PTPRQ: variants seen among roughly 807,000 people sequenced by gnomAD.
PTPRQ encodes protein tyrosine phosphatase receptor type Q.
In PTPRQ, 199 loss-of-function variants were observed where a neutral mutation model predicts 246.0. The observed-to-expected ratio is 0.81, with a 90% CI of 0.72 to 0.91. The LOEUF is 0.91. PTPRQ is among the 40% of genes least tolerant of loss of function. PTPRQ has a pLI of 0.00. For missense variants in PTPRQ, 2,624 were observed against 2,528.4 expected (o/e 1.04, Z -0.81); for synonymous variants, 869 against 853.2 (o/e 1.02, Z -0.32).
At chr12:80,579,485 G>A (rs1897370942) in intron 25 of PTPRQ, among the ~76,000 whole-genome samples, 1 of 152,002 alleles carries the variant, frequency 6.6e-6, no homozygotes, top group Non-Finnish European at 1.5e-5. Context: ...CTTCAAATTA[G>A]AGCTCCCAGA....
chr12:80,522,850 T>G (rs1895547945), intron 17 of PTPRQ, among the ~76,000 whole-genome samples: 1 of 152,190 alleles, frequency 6.6e-6, no homozygotes, highest in African/African-American at 2.4e-5. Flanking sequence ...TCTGCCAGGC[T>G]TTGGTATCAG....
Position 80,678,741 on chromosome 12 carries a change from A to G in PTPRQ, c.6862+16A>G. ...GCCATGGAAGGTAAACAGAAACAAC[A>G]GTATATGCCCAGCTTACTAGTTTAC... On this transcript the variant is annotated intron_variant, in intron 44 of 44. Coordinates refer to ENST00000644991, the MANE Select transcript of PTPRQ (RefSeq NM_001145026.2). 1 of 1,545,492 alleles carries G rather than the reference A, an allele frequency of 6.5e-7. No homozygotes were observed. The highest frequency in any genetic ancestry group is 1.7e-4 in the Middle Eastern group (1 of 5,948).
At chr12:80,591,952 G>A (rs991968118) in intron 26 of PTPRQ, among the ~76,000 whole-genome samples, 37 of 152,262 alleles carry the variant, frequency 2.4e-4, no homozygotes, top group African/African-American at 8.7e-4. Flanking sequence ...TGTTTAATTA[G>A]CATAAAACAA....
intron 39 of PTPRQ, among the ~76,000 whole-genome samples, chr12:80,661,236 T>C (rs969054415): frequency 6.7e-6 from 1 of 149,996 alleles, no homozygotes. Flanking sequence ...TAAACACATA[T>C]ATGTGTGTAT....
intron 33 of PTPRQ, among the ~76,000 whole-genome samples, chr12:80,625,055 A>G (rs1186138647): frequency 6.6e-6 from 1 of 152,194 alleles, no homozygotes; most frequent in Admixed American, 6.5e-5. Context: ...GAACATTGCC[A>G]GGGAAGAAAC....
intron 32 of PTPRQ, 65 bp from the exon 33 acceptor site, chr12:80,621,996 T>C (rs909725085): frequency 1.5e-5 from 16 of 1,087,886 alleles, no homozygotes; most frequent in Non-Finnish European, 1.5e-5. Flanking sequence ...AATTACTTCT[T>C]GAGTTATTCA....
At chr12:80,478,100 G>C (rs1441978258) in intron 8 of PTPRQ, among the ~76,000 whole-genome samples, 1 of 151,962 alleles carries the variant, frequency 6.6e-6, no homozygotes, top group Non-Finnish European at 1.5e-5. Context: ...CAAAAAGACA[G>C]CAGTAACCTC....
Position 80,673,085 on chromosome 12 carries a change from G to T in PTPRQ, c.6603-84G>T, listed in dbSNP as rs1419771102. ...AGAGAAGAAACTATTAGAATTTATT[G>T]CTATCATAGCTCATTATCTTTATCC... On this transcript the variant is annotated intron_variant, in intron 42 of 44. Coordinates refer to ENST00000644991, the MANE Select transcript of PTPRQ (RefSeq NM_001145026.2). The T allele has an allele frequency of 3.0e-5, 45 of 1,476,486 alleles. No individual in the cohort carries two copies. The Admixed American group carries it at 9.8e-4, about 32-fold the overall frequency. 91.5% of individuals were successfully genotyped at this position (1,476,486 alleles called of 1,614,324 possible). A position where few individuals can be genotyped will look rare whatever the true frequency, so the allele number is the denominator to read the frequency against.
chr12:80,566,240 G>A (rs1378066717), intron 25 of PTPRQ, among the ~76,000 whole-genome samples: 1 of 152,166 alleles, frequency 6.6e-6, no homozygotes, highest in East Asian at 1.9e-4. Flanking sequence ...CACTTTGGGA[G>A]GCCGAGGCAG....
At chr12:80,525,614 A>G (rs1214698995) in intron 17 of PTPRQ, among the ~76,000 whole-genome samples, 2 of 151,896 alleles carry the variant, frequency 1.3e-5, no homozygotes, top group Non-Finnish European at 1.5e-5. Context: ...ATAAAATTTT[A>G]AAATTCTGTG....
chr12:80,626,042 T>C (rs569213999), intron 33 of PTPRQ, among the ~76,000 whole-genome samples: 2 of 152,330 alleles, frequency 1.3e-5, no homozygotes, highest in Non-Finnish European at 2.9e-5. Flanking sequence ...AAAGGCACTC[T>C]GTGATTGTTT....
Position 80,619,547 on chromosome 12 carries a change from C to T in PTPRQ, c.5389+5C>T. ...TGCTTGTGACAGAAACAGGAGGTATCATCACATGTCAATTTATCTTGTTAA... is the reference window on the plus strand; with the variant it reads ...TGCTTGTGACAGAAACAGGAGGTATTATCACATGTCAATTTATCTTGTTAA... On this transcript the variant is annotated splice_donor_5th_base_variant and intron_variant, in intron 31 of 44. Transcript: ENST00000644991. 6.6e-7 allele frequency: 1 copy of T among 1,510,442 alleles called. No individual in the cohort carries two copies. Among genetic ancestry groups the T allele is most frequent in the South Asian group, 1.3e-5 (1 of 76,120 alleles). 93.6% of individuals were successfully genotyped at this position (1,510,442 alleles called of 1,614,324 possible).
chr12:80,670,329 C>T lies in PTPRQ; in HGVS notation c.6454-15C>T, dbSNP rs764199397. ...TAAATAATTTTGTCATTCATTAATC[C>T]GTCCCTTTGTCTAGCATGGGGATTG... On this transcript the variant is annotated splice_polypyrimidine_tract_variant and intron_variant, in intron 41 of 44. Coordinates refer to ENST00000644991, the MANE Select transcript of PTPRQ (RefSeq NM_001145026.2). The T allele has an allele frequency of 1.7e-5, 26 of 1,547,610 alleles. No individual in the cohort carries two copies. The East Asian group carries it at 3.0e-4, about 18-fold the overall frequency.
At chr12:80,579,406 T>C (rs932537672) in intron 25 of PTPRQ, among the ~76,000 whole-genome samples, 19 of 152,170 alleles carry the variant, frequency 1.2e-4, no homozygotes, top group African/African-American at 3.1e-4. Context: ...TTGCCACTTA[T>C]GTATCTCTCC....
intron 14 of PTPRQ, among the ~76,000 whole-genome samples, chr12:80,499,422 T>C (rs891674901): frequency 3.9e-5 from 6 of 151,996 alleles, no homozygotes; most frequent in Non-Finnish European, 7.4e-5. Context: ...TTTAGCTCCT[T>C]TGGCAAAAGA....
At chr12:80,658,522 C>G (rs1900520440) in intron 39 of PTPRQ, among the ~76,000 whole-genome samples, 1 of 151,992 alleles carries the variant, frequency 6.6e-6, no homozygotes, top group Non-Finnish European at 1.5e-5. Context: ...TATATGCACT[C>G]AAGATCTCCA....
At chr12:80,481,089 C>A (rs1419021953) in intron 8 of PTPRQ, among the ~76,000 whole-genome samples, 1 of 152,098 alleles carries the variant, frequency 6.6e-6, no homozygotes, top group Non-Finnish European at 1.5e-5. Context: ...AATTTTAGAC[C>A]AATATCCTTG....
At chr12:80,450,144 G>A (rs542633303) in intron 3 of PTPRQ, among the ~76,000 whole-genome samples, 1 of 151,974 alleles carries the variant, frequency 6.6e-6, no homozygotes, top group South Asian at 2.1e-4. Context: ...AATCAATTGT[G>A]AATGGGAGTT....
chr12:80,649,206 T>G (rs952717222), intron 36 of PTPRQ, among the ~76,000 whole-genome samples: 7 of 152,172 alleles, frequency 4.6e-5, no homozygotes, highest in African/African-American at 1.7e-4. Context: ...ATGAGGTCAC[T>G]GCAATATTTT....
Sources: gnomAD v4.1 joint callset for allele counts (sites outside exome capture counted in the v4.1 genomes callset) on GRCh38, gnomAD v4.1.1 for gene constraint, MANE v1.5 for transcripts, NCBI Gene and HGNC (gene_info 2026-07-23, HGNC 2026-07-21) for gene names.